GAS2L3: variants seen among roughly 807,000 people sequenced by gnomAD.
GAS2L3 encodes growth arrest specific 2 like 3.
A neutral mutation model predicts 37.0 loss-of-function variants in GAS2L3; 28 were observed. The observed-to-expected ratio is 0.76, with a 90% CI of 0.56 to 1.04. The LOEUF is 1.04. Among genes scored for constraint, GAS2L3 ranks in the 50% least tolerant of loss-of-function variants. The probability of loss-of-function intolerance (pLI) is 0.00; values close to 1 mark genes in which losing one functional copy is unlikely to be tolerated. For missense variants in GAS2L3, 793 were observed against 817.6 expected, an observed-to-expected ratio of 0.97 and a Z score of 0.37; for synonymous variants, 290 against 296.6, an observed-to-expected ratio of 0.98 and a Z score of 0.23.
chr12:100,579,698 G>A (rs1490894116), intron 1 of GAS2L3: 3 of 775,556 alleles, frequency 3.9e-6, no homozygotes, highest in Middle Eastern at 3.6e-4. Context: ...TGGCGATCAT[G>A]GAAGCAGCCA....
At chr12:100,601,480 A>C (rs1955988432) in intron 4 of GAS2L3, among the ~76,000 whole-genome samples, 158 bp from the exon 5 acceptor site, 2 of 151,994 alleles carry the variant, frequency 1.3e-5, no homozygotes, top group African/African-American at 2.4e-5. Flanking sequence ...TTAACTGGCC[A>C]TTATTTGCTA....
chr12:100,597,626 T>A (rs1955930091), intron 3 of GAS2L3, among the ~76,000 whole-genome samples: 1 of 152,076 alleles, frequency 6.6e-6, no homozygotes, highest in Non-Finnish European at 1.5e-5. Context: ...AATTTACTTT[T>A]ATTTTATTTT....
At position 100,625,238 on chromosome 12, in the gene GAS2L3, G is replaced by T; in HGVS notation, c.*348G>T. ...CAATAGTTGCTCTATTTTTGAATATGTATTAAATATGGAGTTCATATACCT... is the reference window on the plus strand; with the variant it reads ...CAATAGTTGCTCTATTTTTGAATATTTATTAAATATGGAGTTCATATACCT... On this transcript the variant is annotated 3_prime_UTR_variant, in exon 10 of 10. Transcript: ENST00000547754. 5.8e-6 allele frequency: 1 copy of T among 172,400 alleles called. No homozygotes were observed. The highest frequency in any genetic ancestry group is 5.5e-5 in the Admixed American group (1 of 18,112). 10.7% of individuals were successfully genotyped at this position (172,400 alleles called of 1,614,324 possible).
chr12:100,605,157 T>G (rs1046131424), intron 5 of GAS2L3, among the ~76,000 whole-genome samples: 13 of 152,006 alleles, frequency 8.6e-5, no homozygotes, highest in Non-Finnish European at 1.8e-4. Context: ...ATAGTTTGAG[T>G]AGGATTGCTA....
Position 100,622,294 on chromosome 12 carries a change from A to T in GAS2L3, c.668A>T (p.Asp223Val), listed in dbSNP as rs777784870. Residue 223 changes from aspartate (D) to valine (V), a missense_variant, in exon 9 of 10, where the codon GAC (aspartate) becomes GTC (valine). By Grantham distance (152) the Asp-to-Val change is radical (BLOSUM62 -3). Coordinates refer to ENST00000547754, the MANE Select transcript of GAS2L3 (RefSeq NM_174942.3). ...LHEAVKHIAEDPPCSCSHRFS... is the reference protein window; with the variant it reads ...LHEAVKHIAEVPPCSCSHRFS... ...TCTTAGGTTAAACATATTGCTGAGG[A>T]CCCTCCTTGTAGTTGTTCTCATCGA... The T allele has an allele frequency of 5.0e-6, 8 of 1,594,902 alleles. No homozygotes were observed. The highest frequency in any genetic ancestry group is 6.9e-6 in the Non-Finnish European group (8 of 1,164,574).
intron 5 of GAS2L3, among the ~76,000 whole-genome samples, chr12:100,602,789 C>G (rs1408102605): frequency 2.6e-5 from 4 of 152,118 alleles, no homozygotes; most frequent in Non-Finnish European, 5.9e-5. Context: ...CCACTTCCCC[C>G]CACCTGCCAC....
Position 100,623,814 on chromosome 12 carries a change from G to A in GAS2L3, c.1009G>A (p.Val337Ile). Residue 337 changes from valine to isoleucine, a missense_variant, in exon 10 of 10, where the codon GTT becomes ATT. Physicochemically the swap from Val to Ile is conservative, Grantham distance 29. Coordinates refer to ENST00000547754, the MANE Select transcript of GAS2L3 (RefSeq NM_174942.3). ...ACAAAATTCAAAACCCAGCGTGCCA[G>A]TTAGTATTCCAAAAAGCAAAGAAAA... Reference protein sequence around the residue: ...QKQNSKPSVPVSIPKSKEKQG... With the variant: ...QKQNSKPSVPISIPKSKEKQG... The A allele has an allele frequency of 6.2e-7, 1 of 1,614,094 alleles. No individual in the cohort carries two copies. Among genetic ancestry groups the A allele is most frequent in the East Asian group, 2.2e-5 (1 of 44,874 alleles).
At chr12:100,598,756 C>T (rs1955946018) in intron 3 of GAS2L3, among the ~76,000 whole-genome samples, 2 of 152,130 alleles carry the variant, frequency 1.3e-5, no homozygotes, top group South Asian at 4.1e-4. Context: ...TTCATGCTGG[C>T]TTATGTGTCC....
At chr12:100,595,543 A>G (rs1285610744) in intron 3 of GAS2L3, among the ~76,000 whole-genome samples, 1 of 151,894 alleles carries the variant, frequency 6.6e-6, no homozygotes, top group Non-Finnish European at 1.5e-5. Context: ...TTTTGTATAA[A>G]AAGAACATGA....
intron 1 of GAS2L3, among the ~76,000 whole-genome samples, chr12:100,582,350 G>A (rs1475337355): frequency 1.3e-5 from 2 of 152,168 alleles, no homozygotes. Context: ...GTTAAGGCAG[G>A]AACTGCCTAT....
chr12:100,599,185 G>A (rs1175305228), intron 3 of GAS2L3, among the ~76,000 whole-genome samples: 1 of 152,246 alleles, frequency 6.6e-6, no homozygotes, highest in African/African-American at 2.4e-5. Flanking sequence ...AAGTTGTTCA[G>A]TAAGGAGAAG....
chr12:100,579,971 C>A (rs1022598424), intron 1 of GAS2L3: 2 of 871,496 alleles, frequency 2.3e-6, no homozygotes, highest in African/African-American at 1.6e-5. Context: ...TGCCAATGGA[C>A]AAACAACTGG....
At chr12:100,593,439 CTTTA>C in intron 2 of GAS2L3, among the ~76,000 whole-genome samples, 1 of 152,206 alleles carries the variant, frequency 6.6e-6, no homozygotes, top group African/African-American at 2.4e-5. Flanking sequence ...TGCATAAATT[CTTTA>C]TTTCTTTCAT....
At chr12:100,613,864 G>C (rs1956156438) in intron 6 of GAS2L3, among the ~76,000 whole-genome samples, 1 of 152,048 alleles carries the variant, frequency 6.6e-6, no homozygotes, top group Non-Finnish European at 1.5e-5. Context: ...AAAGTGCTGG[G>C]ATTACAGGCA....
chr12:100,583,999 A>G lies in GAS2L3; in HGVS notation c.-151-7737A>G, dbSNP rs116166139. Among the ~76,000 whole-genome samples the G allele has an allele frequency of 6.0e-3, 917 of 152,290 alleles. 6 individuals carry two copies. Among genetic ancestry groups the G allele is most frequent in the African/African-American group, 0.021 (862 of 41,556 alleles). ...GGCTGCTTCTAAACTTTACTGTCAC[A>G]TTTCATCGATAGCAGAAACATTGTG... On this transcript the variant is annotated intron_variant, in intron 1 of 9. Transcript: ENST00000547754.
chr12:100,575,503 A>G (rs1272231988), intron 1 of GAS2L3, among the ~76,000 whole-genome samples: 2 of 84,522 alleles, frequency 2.4e-5, no homozygotes, highest in African/African-American at 5.7e-5. Context: ...TTTTTTTGAG[A>G]CAGAGTCTCG....
chr12:100,624,676 A>C lies in GAS2L3; in HGVS notation c.1871A>C (p.Lys624Thr). The C allele has an allele frequency of 1.2e-6, 2 of 1,614,120 alleles. No homozygotes were observed. The highest frequency in any genetic ancestry group is 1.7e-6 in the Non-Finnish European group (2 of 1,180,030). Reference sequence around the variant, plus strand: ...GTGAGCCTACCCCAGTCTTCTACCAAAACACAAACTGCACCGAAGTCAGCA... The same window carrying C: ...GTGAGCCTACCCCAGTCTTCTACCACAACACAAACTGCACCGAAGTCAGCA... Reference protein sequence around the residue: ...SIVSLPQSSTKTQTAPKSAQT... With the variant: ...SIVSLPQSSTTTQTAPKSAQT... Residue 624 changes from lysine (K) to threonine (T), a missense_variant, in exon 10 of 10, where the codon AAA (lysine) becomes ACA (threonine). By Grantham distance (78) the Lys-to-Thr change is moderately conservative. Transcript: ENST00000547754.
intron 1 of GAS2L3, among the ~76,000 whole-genome samples, chr12:100,587,625 G>A (rs1466852814): frequency 1.3e-5 from 2 of 152,120 alleles, no homozygotes; most frequent in Non-Finnish European, 2.9e-5. Context: ...CACATCCAAC[G>A]TAATGCTGAA....
At position 100,601,664 on chromosome 12, in the gene GAS2L3, T is replaced by C. The variant is rs916955387; in HGVS notation, c.214T>C (p.Leu72=). Residue 72 remains leucine (L), a synonymous_variant, in exon 5 of 10, where the codon TTG becomes CTG. Transcript: ENST00000547754. ...LGIKVKAEKL[L]EELDNGVLLC... is the part of the protein sequence containing the mutation. The stretch of plus-strand genomic sequence containing the variant: ...TATTAAAGTTAAGGCAGAAAAATTA[T>C]TGGAAGAACTTGATAATGGAGTACT... The C allele has an allele frequency of 6.3e-7, 1 of 1,585,218 alleles. No homozygotes were observed. Among genetic ancestry groups the C allele is most frequent in the Non-Finnish European group, 8.6e-7 (1 of 1,156,092 alleles).
Sources: allele counts gnomAD v4.1 joint callset (sites outside exome capture counted in the v4.1 genomes callset), GRCh38; gene constraint gnomAD v4.1.1; transcripts MANE v1.5; gene names NCBI Gene and HGNC (gene_info 2026-07-23, HGNC 2026-07-21).